UMPS: variants seen among roughly 807,000 people sequenced by gnomAD.
UMPS encodes the protein uridine 5'-monophosphate synthase.
Under a neutral mutation model 38.9 loss-of-function variants are expected in UMPS, and 21 were observed. The ratio of observed to expected loss-of-function variants is 0.54; its 90% CI spans 0.38 to 0.78. The LOEUF (loss-of-function observed/expected upper bound fraction) is 0.78. UMPS is among the 30% of genes least tolerant of loss of function. The probability of loss-of-function intolerance (pLI) is 0.00; values close to 1 mark genes in which losing one functional copy is unlikely to be tolerated. For synonymous variants in UMPS, 208 were observed against 219.3 expected, an observed-to-expected ratio of 0.95 and a Z score of 0.45; for missense variants, 533 against 591.6, an observed-to-expected ratio of 0.90 and a Z score of 1.03.
intron 4 of UMPS, among the ~76,000 whole-genome samples, chr3:124,741,648 C>T (rs911268515): frequency 7.2e-5 from 11 of 152,040 alleles, no homozygotes; most frequent in Non-Finnish European, 1.5e-4. Context: ...CTAGAGTACT[C>T]GCCTCAAATC....
intron 1 of UMPS, chr3:124,731,526 C>T: frequency 2.3e-6 from 1 of 436,230 alleles, no homozygotes; most frequent in Non-Finnish European, 4.6e-6. Flanking sequence ...TCTTACGTCA[C>T]CCAGGCTGGA....
chr3:124,748,359 C>G lies in UMPS; in HGVS notation c.*4275C>G, dbSNP rs749045465. 4 of 453,770 alleles carry G rather than the reference C, an allele frequency of 8.8e-6. No homozygotes were observed. Among genetic ancestry groups the G allele is most frequent in the Non-Finnish European group, 1.8e-5 (4 of 226,768 alleles). 28.1% of individuals were successfully genotyped at this position (453,770 alleles called of 1,614,324 possible). A position where few individuals can be genotyped will look rare whatever the true frequency, so the allele number is the denominator to read the frequency against. On this transcript the variant is annotated 3_prime_UTR_variant, in exon 6 of 6. Coordinates refer to ENST00000232607, the MANE Select transcript of UMPS (RefSeq NM_000373.4). ...GGGCCTTTCACATTTGTAATTTGGC[C>G]TTGTATGAGTTACCCTGCAATCCCT...
rs902519177 is a variant in UMPS at position 124,738,055 on chromosome 3, G to T, written c.798G>T (p.Leu266=). 3.1e-6 allele frequency: 5 copies of T among 1,614,244 alleles called. No individual in the cohort carries two copies. The highest frequency in any genetic ancestry group is 4.2e-6 in the Non-Finnish European group (5 of 1,180,040). Residue 266 remains leucine, a synonymous_variant, in exon 3 of 6, where the codon CTG becomes CTT. Coordinates refer to ENST00000232607, the MANE Select transcript of UMPS (RefSeq NM_000373.4). ...LSADVSLARE[L]LQLADALGPS... is the part of the protein sequence containing the mutation. The stretch of plus-strand genomic sequence containing the variant: ...CTGATGTTTCACTGGCCAGAGAGCT[G>T]TTGCAGCTAGCAGATGCTTTAGGAC...
rs896495292 is a variant in UMPS at position 124,746,724 on chromosome 3, C to T, written c.*2640C>T. The T allele has an allele frequency of 8.0e-5, 36 of 449,312 alleles. 1 individual carries two copies. The highest frequency in any genetic ancestry group is 6.9e-4 in the Middle Eastern group (1 of 1,450). The allele number at this position is 449,312 out of a possible 1,614,324, so 27.8% of individuals were successfully genotyped here. On this transcript the variant is annotated 3_prime_UTR_variant, in exon 6 of 6. Transcript: ENST00000232607. The stretch of plus-strand genomic sequence containing the variant: ...CCATCCCCCAGCCTCTCCAGCTACT[C>T]GAGGCATTCTGTAGAACATAAGCCC...
At chr3:124,737,103 G>A (rs770701099) in intron 2 of UMPS, 2 of 157,874 alleles carry the variant, frequency 1.3e-5, no homozygotes, top group Non-Finnish European at 1.4e-5. Context: ...TGATCTTGCT[G>A]TAAGAAACTC....
Position 124,746,841 on chromosome 3 carries a change from G to A in UMPS, c.*2757G>A, listed in dbSNP as rs573270971. ...CTGGAGGAACCTAAGAAACTATTTG[G>A]TGCACTTCCTCTTATTTTAGAGCTC... On this transcript the variant is annotated 3_prime_UTR_variant, in exon 6 of 6. Coordinates refer to ENST00000232607, the MANE Select transcript of UMPS (RefSeq NM_000373.4). The A allele has an allele frequency of 4.4e-6, 2 of 451,990 alleles. No homozygotes were observed. Among genetic ancestry groups the A allele is most frequent in the African/African-American group, 2.0e-5 (1 of 49,672 alleles). The allele number at this position is 451,990 out of a possible 1,614,324, so 28.0% of individuals were successfully genotyped here.
In UMPS at chr3:124,745,188, A is replaced by G; in HGVS notation, c.*1104A>G. ...CATTAATAATAAAGAGAAAGCCCAC[A>G]TTCAAGGTGGTGTTTGAGCAGGGGC... On this transcript the variant is annotated 3_prime_UTR_variant, in exon 6 of 6. Transcript: ENST00000232607. The G allele has an allele frequency of 4.4e-6, 2 of 454,066 alleles. No homozygotes were observed. The highest frequency in any genetic ancestry group is 8.8e-6 in the Non-Finnish European group (2 of 226,780). 28.1% of individuals were successfully genotyped at this position (454,066 alleles called of 1,614,324 possible).
At position 124,746,159 on chromosome 3, in the gene UMPS, C is replaced by T. The variant is rs1040569480; in HGVS notation, c.*2075C>T. The T allele has an allele frequency of 2.2e-6, 1 of 453,898 alleles. No homozygotes were observed. The highest frequency in any genetic ancestry group is 2.0e-5 in the African/African-American group (1 of 49,998). The allele number at this position is 453,898 out of a possible 1,614,324, so 28.1% of individuals were successfully genotyped here. On this transcript the variant is annotated 3_prime_UTR_variant, in exon 6 of 6. Transcript: ENST00000232607. ...TAGAAATGTGGGCTCCTGCCATCTC[C>T]AGGACGCAGGCACTGTTCCTGTTGA... is the stretch of plus-strand genomic sequence containing the variant.
At position 124,748,028 on chromosome 3, in the gene UMPS, C is replaced by T; in HGVS notation, c.*3944C>T. ...AAGGAATCTGATACTAAACACAAAG[C>T]ATGAGAAAAATCAGGACTTGTTGGA... On this transcript the variant is annotated 3_prime_UTR_variant, in exon 6 of 6. Transcript: ENST00000232607. 1 of 444,510 alleles carries T rather than the reference C, an allele frequency of 2.2e-6. No homozygotes were observed. The highest frequency in any genetic ancestry group is 1.6e-5 in the South Asian group (1 of 61,616). 27.5% of individuals were successfully genotyped at this position (444,510 alleles called of 1,614,324 possible).
intron 1 of UMPS, among the ~76,000 whole-genome samples, chr3:124,731,223 A>G (rs1410109189): frequency 6.6e-6 from 1 of 151,224 alleles, no homozygotes; most frequent in Non-Finnish European, 1.5e-5. Flanking sequence ...AAACAAATAG[A>G]CCGGGAAAAC....
At position 124,746,973 on chromosome 3, in the gene UMPS, A is replaced by C; in HGVS notation, c.*2889A>C. 1 of 453,974 alleles carries C rather than the reference A, an allele frequency of 2.2e-6. No homozygotes were observed. The highest frequency in any genetic ancestry group is 1.6e-5 in the South Asian group (1 of 64,472). 28.1% of individuals were successfully genotyped at this position (453,974 alleles called of 1,614,324 possible). A position where few individuals can be genotyped will look rare whatever the true frequency, so the allele number is the denominator to read the frequency against. On this transcript the variant is annotated 3_prime_UTR_variant, in exon 6 of 6. Coordinates refer to ENST00000232607, the MANE Select transcript of UMPS (RefSeq NM_000373.4). ...TGTGCTACTGAGTCAGCTCTAAGAAAATCTGCCAAAAGTAGGCCGAGGGCT... is the reference window on the plus strand; with the variant it reads ...TGTGCTACTGAGTCAGCTCTAAGAACATCTGCCAAAAGTAGGCCGAGGGCT...
intron 1 of UMPS, among the ~76,000 whole-genome samples, chr3:124,734,597 G>A (rs1427761622): frequency 1.3e-5 from 2 of 152,034 alleles, no homozygotes; most frequent in African/African-American, 4.8e-5. Context: ...TTATATTTGT[G>A]TACTGGGTTT....
chr3:124,744,030 A>G lies in UMPS; in HGVS notation c.1389A>G (p.Ala463=), dbSNP rs2063577826. The change falls in exon 6 of 6, where the codon GCA becomes GCG. Residue 463 remains alanine, a synonymous_variant. Transcript: ENST00000232607. Reference sequence around the variant, plus strand: ...CAGCAGCTGATCGTCTGGAAGCAGCAGAGATGTACAGAAAAGCTGCTTGGG... The same window carrying G: ...CAGCAGCTGATCGTCTGGAAGCAGCGGAGATGTACAGAAAAGCTGCTTGGG... ...IISAADRLEA[A]EMYRKAAWEA... 2.5e-6 allele frequency: 4 copies of G among 1,614,254 alleles called. No individual in the cohort carries two copies. The highest frequency in any genetic ancestry group is 3.4e-6 in the Non-Finnish European group (4 of 1,180,038).
intron 1 of UMPS, among the ~76,000 whole-genome samples, 189 bp downstream of exon 1, chr3:124,730,816 C>G (rs1261528463): frequency 1.3e-5 from 2 of 152,160 alleles, no homozygotes; most frequent in Non-Finnish European, 2.9e-5. Flanking sequence ...CGAGAGTCGT[C>G]TGTTCTTTCA....
rs1471550355 is a variant in UMPS, at chr3:124,742,018, C to G, written c.1159-134C>G. 12 of 763,688 alleles carry G rather than the reference C, an allele frequency of 1.6e-5. No individual in the cohort carries two copies. In the Admixed American group the frequency reaches 1.9e-4, roughly 12 times the overall value. The allele number at this position is 763,688 out of a possible 1,614,324, so 47.3% of individuals were successfully genotyped here. On this transcript the variant is annotated intron_variant, in intron 4 of 5. Transcript: ENST00000232607. ...ATCCCTTGAGCCCAGGGGTTCAAGA[C>G]CAGCCAGGGAACATAGGGAGACCTC... is the stretch of plus-strand genomic sequence containing the variant.
At chr3:124,740,333 A>G (rs1397901131) in intron 4 of UMPS, 134 bp downstream of exon 4, 44 of 815,776 alleles carry the variant, frequency 5.4e-5, no homozygotes, top group Non-Finnish European at 8.1e-5. Flanking sequence ...GTGACAGTAT[A>G]TTAATACTAG....
intron 4 of UMPS, among the ~76,000 whole-genome samples, chr3:124,740,949 A>C (rs182637066): frequency 6.6e-6 from 1 of 152,264 alleles, no homozygotes; most frequent in East Asian, 1.9e-4. Context: ...CCTGTCAAAA[A>C]AAATTAAAAA....
chr3:124,743,356 G>T (rs2063570288), intron 5 of UMPS, among the ~76,000 whole-genome samples: 1 of 134,694 alleles, frequency 7.4e-6, no homozygotes, highest in Non-Finnish European at 1.6e-5. Flanking sequence ...AAATAAATAG[G>T]GCGGGGCGCA....
In UMPS at chr3:124,747,460, C is replaced by T. The variant is rs76151694; in HGVS notation, c.*3376C>T. ...AGTTCCGAGCCTGAACCCAAACTCT[C>T]GTGTTTCTGCTCACCCCTCTCTGGC... On this transcript the variant is annotated 3_prime_UTR_variant, in exon 6 of 6. Coordinates refer to ENST00000232607, the MANE Select transcript of UMPS (RefSeq NM_000373.4). 8,419 of 454,122 alleles carry T rather than the reference C, an allele frequency of 0.019. 172 individuals carry two copies. Among genetic ancestry groups the T allele is most frequent in the East Asian group, 0.061 (872 of 14,386 alleles). 28.1% of individuals were successfully genotyped at this position (454,122 alleles called of 1,614,324 possible). A position where few individuals can be genotyped will look rare whatever the true frequency, so the allele number is the denominator to read the frequency against.
Sources: gnomAD v4.1 joint callset for allele counts (sites outside exome capture counted in the v4.1 genomes callset) on GRCh38, gnomAD v4.1.1 for gene constraint, MANE v1.5 for transcripts, NCBI Gene and HGNC (gene_info 2026-07-23, HGNC 2026-07-21) for gene names.